The following KCNIP4 variants were observed in gnomAD, a reference collection of about 807,000 sequenced individuals.
The protein encoded by KCNIP4 is potassium voltage-gated channel interacting protein 4.
In KCNIP4, 12 loss-of-function variants were observed where a neutral mutation model predicts 34.0. The observed-to-expected ratio is 0.35, with a 90% CI of 0.23 to 0.57. The LOEUF is 0.57. KCNIP4 is among the 20% of genes least tolerant of loss of function. The pLI, the probability that KCNIP4 is intolerant of heterozygous loss-of-function variation, is 0.83. For missense variants in KCNIP4, 238 were observed against 311.7 expected, an observed-to-expected ratio of 0.76 and a Z score of 1.78; for synonymous variants, 124 against 102.2, an observed-to-expected ratio of 1.21 and a Z score of -1.29.
chr4:21,090,632 T>G lies in KCNIP4; in HGVS notation c.62-207923A>C, dbSNP rs375173738. Among the ~76,000 whole-genome samples, 5 of 152,350 alleles carry G rather than the reference T, an allele frequency of 3.3e-5. No individual in the cohort carries two copies. In the South Asian group the frequency reaches 6.2e-4, roughly 19 times the overall value. On this transcript the variant is annotated intron_variant, in intron 1 of 8. Transcript: ENST00000382152. The stretch of plus-strand genomic sequence containing the variant: ...TATGTTCCTCTCAAATATTTTAAAA[T>G]TATTTTAAGTCACAGATTGTTTCAT...
chr4:20,857,931 G>A (rs1721777201), intron 2 of KCNIP4, among the ~76,000 whole-genome samples: 1 of 151,948 alleles, frequency 6.6e-6, no homozygotes, highest in Non-Finnish European at 1.5e-5. Context: ...AGCATAGGCC[G>A]GGCGTGGTGG....
intron 1 of KCNIP4, among the ~76,000 whole-genome samples, chr4:21,107,942 G>T (rs1005671098): frequency 6.6e-6 from 1 of 151,368 alleles, no homozygotes; most frequent in African/African-American, 2.5e-5. Flanking sequence ...CTCTCTTCTG[G>T]CTTGTAGAGT....
At chr4:21,357,761 T>A (rs1176804404) in intron 1 of KCNIP4, among the ~76,000 whole-genome samples, 1 of 152,132 alleles carries the variant, frequency 6.6e-6, no homozygotes, top group African/African-American at 2.4e-5. Flanking sequence ...GACAGTGTGG[T>A]GATTCCTCAA....
At chr4:21,882,930 A>C (rs1307011475) in intron 1 of KCNIP4, among the ~76,000 whole-genome samples, 1 of 152,172 alleles carries the variant, frequency 6.6e-6, no homozygotes, top group African/African-American at 2.4e-5. Context: ...AGCTCAACAG[A>C]ATGTTTTAAT....
chr4:21,153,517 A>G (rs6837805), intron 1 of KCNIP4, among the ~76,000 whole-genome samples: 83 of 13,230 alleles, frequency 6.3e-3, no homozygotes, highest in East Asian at 8.9e-3. Flanking sequence ...GTGTGTGTGT[A>G]TATATATATA....
At chr4:21,434,543 G>A (rs1231971640) in intron 1 of KCNIP4, among the ~76,000 whole-genome samples, 1 of 152,072 alleles carries the variant, frequency 6.6e-6, no homozygotes, top group Non-Finnish European at 1.5e-5. Context: ...TAGGAACCGA[G>A]CAGCACAGCA....
At position 21,380,478 on chromosome 4, in the gene KCNIP4, AGAGAGAGAGG is replaced by A. The variant is rs1357340898; in HGVS notation, c.62-497779_62-497770del. Among the ~76,000 whole-genome samples the A allele has an allele frequency of 2.0e-5, 3 of 149,662 alleles. No individual in the cohort carries two copies. The East Asian group carries it at 6.0e-4, about 30-fold the overall frequency. ...GAGGGGGAGAGAGAGAGAGAGAGGGAGAGAGAGAGGGAGAGAGAGAGATCCTATATTGTGC... is the reference window on the plus strand; with the variant it reads ...GAGGGGGAGAGAGAGAGAGAGAGGGAGAGAGAGAGAGATCCTATATTGTGC... On this transcript the variant is annotated intron_variant, in intron 1 of 8. Coordinates refer to ENST00000382152, the MANE Select transcript of KCNIP4 (RefSeq NM_025221.6).
At chr4:21,498,545 G>T (rs1733039112) in intron 1 of KCNIP4, among the ~76,000 whole-genome samples, 1 of 152,184 alleles carries the variant, frequency 6.6e-6, no homozygotes, top group South Asian at 2.1e-4. Context: ...CAGATTGATG[G>T]ATAAATACAC....
intron 1 of KCNIP4, among the ~76,000 whole-genome samples, chr4:20,984,636 C>A (rs1736410336): frequency 6.6e-6 from 1 of 152,202 alleles, no homozygotes; most frequent in African/African-American, 2.4e-5. Flanking sequence ...CACGCCACTC[C>A]TTGTTCTGGT....
At chr4:21,640,324 T>C (rs980152792) in intron 1 of KCNIP4, among the ~76,000 whole-genome samples, 1 of 152,174 alleles carries the variant, frequency 6.6e-6, no homozygotes, top group Non-Finnish European at 1.5e-5. Flanking sequence ...TGGTAGCAGT[T>C]CCCACTGTAT....
intron 1 of KCNIP4, among the ~76,000 whole-genome samples, chr4:21,661,123 C>G (rs78776753): frequency 1.1e-4 from 16 of 152,114 alleles, no homozygotes; most frequent in Non-Finnish European, 2.2e-4. Flanking sequence ...TCTTCTGGGA[C>G]GACAGGCAAG....
chr4:21,092,083 A>G (rs1328953157), intron 1 of KCNIP4, among the ~76,000 whole-genome samples: 1 of 152,224 alleles, frequency 6.6e-6, no homozygotes, highest in Non-Finnish European at 1.5e-5. Flanking sequence ...AATGTCTACT[A>G]TCACGAGCTT....
intron 1 of KCNIP4, among the ~76,000 whole-genome samples, chr4:21,307,485 A>G (rs1712614918): frequency 6.6e-6 from 1 of 152,244 alleles, no homozygotes; most frequent in Middle Eastern, 3.4e-3. Context: ...CCTGGCATGT[A>G]TATTTGTTTA....
chr4:21,616,047 G>C (rs1253843370), intron 1 of KCNIP4, among the ~76,000 whole-genome samples: 1 of 152,042 alleles, frequency 6.6e-6, no homozygotes, highest in African/African-American at 2.4e-5. Flanking sequence ...GCCTCCAATA[G>C]CTCCCTATTT....
chr4:21,541,723 C>T (rs954475727), intron 1 of KCNIP4, among the ~76,000 whole-genome samples: 13 of 152,134 alleles, frequency 8.5e-5, no homozygotes, highest in African/African-American at 3.1e-4. Context: ...CTCACTGTAG[C>T]TTTGACTTCC....
At chr4:21,158,361 A>G (rs1753310558) in intron 1 of KCNIP4, among the ~76,000 whole-genome samples, 1 of 151,994 alleles carries the variant, frequency 6.6e-6, no homozygotes, top group Non-Finnish European at 1.5e-5. Flanking sequence ...AAAAAAAAAT[A>G]CAGAGTAATA....
intron 1 of KCNIP4, among the ~76,000 whole-genome samples, chr4:21,196,111 T>A (rs1220678457): frequency 6.6e-6 from 1 of 152,234 alleles, no homozygotes; most frequent in Non-Finnish European, 1.5e-5. Flanking sequence ...TAAAGTAGTA[T>A]ACAGTATTAC....
chr4:20,886,813 G>T (rs1156304), intron 1 of KCNIP4, among the ~76,000 whole-genome samples: 95,112 of 152,030 alleles, frequency 0.63, 30,604 homozygotes, highest in African/African-American at 0.78. Context: ...AGAATGCTTC[G>T]AAACAATATT....
chr4:20,860,995 C>G (rs1053001560), intron 2 of KCNIP4, among the ~76,000 whole-genome samples: 2 of 152,162 alleles, frequency 1.3e-5, no homozygotes, highest in African/African-American at 4.8e-5. Flanking sequence ...TGACAACATA[C>G]TCACCATTCC....
Sources: allele counts gnomAD v4.1 joint callset (sites outside exome capture counted in the v4.1 genomes callset), GRCh38; gene constraint gnomAD v4.1.1; transcripts MANE v1.5; gene names NCBI Gene and HGNC (gene_info 2026-07-23, HGNC 2026-07-21).